The following DYSF variants were observed in gnomAD, a reference collection of about 807,000 sequenced individuals.
DYSF encodes dystrophy-associated fer-1-like 1.
Under a neutral mutation model 274.9 loss-of-function variants are expected in DYSF, and 212 were observed. That is an observed-to-expected ratio of 0.77 (90% CI 0.69 to 0.86). The LOEUF (loss-of-function observed/expected upper bound fraction) is 0.86, where lower values mean the gene tolerates loss of function less well. Ranked by LOEUF, DYSF falls within the 40% of genes least tolerant of loss-of-function variation. The pLI, the probability that DYSF is intolerant of heterozygous loss-of-function variation, is 0.00. For synonymous variants in DYSF, 1,091 were observed against 1,078.7 expected (o/e 1.01, Z -0.22); for missense variants, 2,666 against 2,783.2 (o/e 0.96, Z 0.95).
rs1049593623 is a variant in DYSF, at chr2:71,615,040, A to G, written c.4464+1630A>G. Among the ~76,000 whole-genome samples, 5 of 152,162 alleles carry G rather than the reference A, an allele frequency of 3.3e-5. No individual in the cohort carries two copies. The highest frequency in any genetic ancestry group is 7.4e-5 in the Non-Finnish European group (5 of 68,020). ...TGTCTGAGATTGTGCAGGGAAGTGC[A>G]GGGCCTGCCCAGCAGGATTTCCGTT... On this transcript the variant is annotated intron_variant, in intron 40 of 55. Transcript: ENST00000410020. This position sits in a 1 kb window ranked among gnomAD's most constrained non-coding sequence, Gnocchi z 4.9.
rs773002887 is a variant in DYSF, at chr2:71,612,787, A to G, written c.4368A>G (p.Pro1456=). 2 of 1,613,598 alleles carry G rather than the reference A, an allele frequency of 1.2e-6. No individual in the cohort carries two copies. The highest frequency in any genetic ancestry group is 1.7e-5 in the Admixed American group (1 of 59,996). The change falls in exon 39 of 56, where the codon CCA becomes CCG. Residue 1456 remains proline (P), a synonymous_variant. Coordinates refer to ENST00000410020, the MANE Select transcript of DYSF (RefSeq NM_001130987.2). ...GTGACCCCTACTCGGCGGAGAGTCCATCCCCACAGGGTGGCCCAGGTAGGG... is the reference window on the plus strand; with the variant it reads ...GTGACCCCTACTCGGCGGAGAGTCCGTCCCCACAGGGTGGCCCAGGTAGGG... ...FLCDPYSAES[P]SPQGGPDDVS... is the part of the protein sequence containing the mutation.
At position 71,549,362 on chromosome 2, in the gene DYSF, G is replaced by T. The variant is rs1057524492; in HGVS notation, c.1577-1679G>T. 3 of 1,612,864 alleles carry T rather than the reference G, an allele frequency of 1.9e-6. No individual in the cohort carries two copies. In the Admixed American group the frequency reaches 5.0e-5, roughly 27 times the overall value. On this transcript the variant is annotated intron_variant, in intron 17 of 55. Coordinates refer to ENST00000410020, the MANE Select transcript of DYSF (RefSeq NM_001130987.2). ...CTTTACGCTTCAGAGGAGCCTGCAG[G>T]TGCTGTCAAGCCTTCGAAAGCCTCA...
chr2:71,503,991 C>T (rs1439810339), intron 4 of DYSF, among the ~76,000 whole-genome samples: 1 of 152,250 alleles, frequency 6.6e-6, no homozygotes, highest in African/African-American at 2.4e-5. Flanking sequence ...ATTGGAACTA[C>T]TTCCGCCCTG....
At chr2:71,496,560 C>T (rs934927157) in intron 3 of DYSF, among the ~76,000 whole-genome samples, 16 of 152,056 alleles carry the variant, frequency 1.1e-4, no homozygotes, top group Non-Finnish European at 2.1e-4. Context: ...CCGACATAGA[C>T]GGTAGGGGCT....
intron 40 of DYSF, among the ~76,000 whole-genome samples, chr2:71,617,751 G>GGGTAGAGGTGGTGTGTGT (rs755482784): frequency 1.1e-5 from 1 of 91,644 alleles, no homozygotes; most frequent in Non-Finnish European, 2.4e-5. Context: ...TGTGTATGTG[G>GGGTAGAGGTGGTGTGTGT]GGTAGAGGTG....
chr2:71,666,000 G>A (rs1307564805), intron 47 of DYSF, among the ~76,000 whole-genome samples: 1 of 152,106 alleles, frequency 6.6e-6, no homozygotes, highest in Non-Finnish European at 1.5e-5. Flanking sequence ...TGGTGCCAAG[G>A]TTATAAAAGG....
chr2:71,464,974 G>A (rs1465936536), upstream of DYSF, among the ~76,000 whole-genome samples: 2 of 152,166 alleles, frequency 1.3e-5, no homozygotes, highest in Non-Finnish European at 2.9e-5. Context: ...GGGGTTGAAG[G>A]TGTCACTGGG....
chr2:71,524,670 C>A (rs4241249), intron 12 of DYSF, among the ~76,000 whole-genome samples: 4 of 152,048 alleles, frequency 2.6e-5, no homozygotes, highest in African/African-American at 4.8e-5. Flanking sequence ...GCTCGCTAGC[C>A]CAAGAGCAGC....
At chr2:71,531,832 A>G (rs962567854) in intron 14 of DYSF, among the ~76,000 whole-genome samples, 3 of 152,106 alleles carry the variant, frequency 2.0e-5, no homozygotes, top group Non-Finnish European at 4.4e-5. Flanking sequence ...CTGTGAGTTC[A>G]ATGCTGATGA....
intron 14 of DYSF, among the ~76,000 whole-genome samples, chr2:71,532,704 C>T (rs1385908723): frequency 1.3e-5 from 2 of 152,132 alleles, no homozygotes; most frequent in East Asian, 3.9e-4. Flanking sequence ...TGTGTTGGGG[C>T]AGCCTGTGCC....
At chr2:71,453,697 C>T in exon 1 of DYSF, 1 of 460,020 alleles carries the variant, frequency 2.2e-6, no homozygotes, top group Admixed American at 3.4e-5. Context: ...GATTACAGCT[C>T]GACGGAGCTC....
In DYSF at chr2:71,513,873, T is replaced by C. The variant is rs1309219943; in HGVS notation, c.711T>C (p.Ser237=). Reference sequence around the variant, plus strand: ...ACCCCGGGATCAAAAGAAAGCGAAGTGCGCCTACATCTAGAAAGCTGCTGT... The same window carrying C: ...ACCCCGGGATCAAAAGAAAGCGAAGCGCGCCTACATCTAGAAAGCTGCTGT... ...PHYPGIKRKR[S]APTSRKLLSD... is the part of the protein sequence containing the mutation. Residue 237 remains serine (S), a synonymous_variant, in exon 7 of 56, where the codon AGT becomes AGC. Transcript: ENST00000410020. The C allele has an allele frequency of 3.1e-6, 5 of 1,614,208 alleles. No homozygotes were observed. The highest frequency in any genetic ancestry group is 2.2e-5 in the South Asian group (2 of 91,082).
At chr2:71,616,292 G>T (rs190082677) in intron 40 of DYSF, among the ~76,000 whole-genome samples, 65 of 152,312 alleles carry the variant, frequency 4.3e-4, no homozygotes, top group African/African-American at 1.6e-3. Context: ...CTAAGGGTAA[G>T]GGTGGGGGGC....
chr2:71,661,966 G>A (rs556758386), intron 45 of DYSF, among the ~76,000 whole-genome samples: 12 of 152,226 alleles, frequency 7.9e-5, no homozygotes, highest in African/African-American at 1.9e-4. Flanking sequence ...AGGGGCTGGC[G>A]CAGGACCTCA....
upstream of DYSF, among the ~76,000 whole-genome samples, chr2:71,464,282 A>G: frequency 6.6e-6 from 1 of 152,258 alleles, no homozygotes. Context: ...GTGCTGTTTC[A>G]GGCACTGAGG....
chr2:71,612,415 A>T (rs571879497), intron 38 of DYSF, among the ~76,000 whole-genome samples: 5 of 152,230 alleles, frequency 3.3e-5, no homozygotes, highest in Non-Finnish European at 7.4e-5. Context: ...ATGCATTTGG[A>T]AGGTAAAGCT....
intron 14 of DYSF, among the ~76,000 whole-genome samples, chr2:71,529,157 A>G (rs2088349948): frequency 6.6e-6 from 1 of 152,208 alleles, no homozygotes; most frequent in Admixed American, 6.5e-5. Flanking sequence ...CCTCTGTCTT[A>G]ACCAGGTACA....
intron 32 of DYSF, 117 bp from the exon 33 acceptor site, chr2:71,598,447 T>C (rs1574262155): frequency 8.1e-7 from 1 of 1,239,122 alleles, no homozygotes; most frequent in Non-Finnish European, 1.2e-6. Flanking sequence ...ATGTTGTTGC[T>C]CCAGAGTGGC....
At chr2:71,486,129 C>T (rs940706769) in intron 3 of DYSF, among the ~76,000 whole-genome samples, 2 of 152,030 alleles carry the variant, frequency 1.3e-5, no homozygotes, top group East Asian at 3.9e-4. Flanking sequence ...TGAGGGTCCC[C>T]GGAGTCATCA....
Sources: gnomAD v4.1 joint callset for allele counts (sites outside exome capture counted in the v4.1 genomes callset) on GRCh38, gnomAD v4.1.1 for gene constraint, Gnocchi (gnomAD v3.1) non-coding constraint, MANE v1.5 for transcripts, NCBI Gene and HGNC (gene_info 2026-07-23, HGNC 2026-07-21) for gene names.